Variants in UBASH3B observed in about 807,000 individuals in gnomAD.
UBASH3B encodes ubiquitin-associated and SH3 domain-containing protein B.
UBASH3B carries 37 observed loss-of-function variants against 83.4 expected under a neutral mutation model. The observed-to-expected ratio is 0.44, with a 90% CI of 0.34 to 0.58. UBASH3B has a LOEUF of 0.58. Ranked by LOEUF, UBASH3B falls within the 20% of genes least tolerant of loss-of-function variation. The pLI, the probability that UBASH3B is intolerant of heterozygous loss-of-function variation, is 0.01. For missense variants in UBASH3B, 657 were observed against 827.2 expected (o/e 0.79, Z 2.52); for synonymous variants, 304 against 318.3 (o/e 0.96, Z 0.48).
chr11:122,737,972 A>G (rs188153055), intron 1 of UBASH3B, among the ~76,000 whole-genome samples: 1 of 152,328 alleles, frequency 6.6e-6, no homozygotes, highest in East Asian at 1.9e-4. Context: ...GTGCCTGTAG[A>G]GAAGTCAGAG....
intron 1 of UBASH3B, among the ~76,000 whole-genome samples, chr11:122,765,775 G>A (rs943176936): frequency 3.9e-5 from 6 of 152,180 alleles, no homozygotes; most frequent in African/African-American, 4.8e-5. Flanking sequence ...GGGAGCTCAC[G>A]TATGTTTTAA....
At chr11:122,685,448 T>C (rs1455722718) in intron 1 of UBASH3B, among the ~76,000 whole-genome samples, 1 of 152,222 alleles carries the variant, frequency 6.6e-6, no homozygotes, top group African/African-American at 2.4e-5. Flanking sequence ...CTCCAATTTA[T>C]AGGCAGAGAT....
intron 1 of UBASH3B, among the ~76,000 whole-genome samples, chr11:122,676,384 C>T (rs945623601): frequency 6.6e-6 from 1 of 152,012 alleles, no homozygotes; most frequent in Non-Finnish European, 1.5e-5. Flanking sequence ...ACTAAAAATA[C>T]AAAAATTAGC....
chr11:122,748,490 G>A (rs1861154212), intron 1 of UBASH3B, among the ~76,000 whole-genome samples: 1 of 152,102 alleles, frequency 6.6e-6, no homozygotes, highest in South Asian at 2.1e-4. Context: ...TTCCCTCAGT[G>A]GAAATGGAAA....
At chr11:122,742,214 C>A (rs4144905) in intron 1 of UBASH3B, among the ~76,000 whole-genome samples, 2 of 151,950 alleles carry the variant, frequency 1.3e-5, no homozygotes, top group Non-Finnish European at 2.9e-5. Flanking sequence ...GTCGGGAGAA[C>A]CTTTTTAGAA....
At chr11:122,697,034 A>T (rs1278935222) in intron 1 of UBASH3B, among the ~76,000 whole-genome samples, 2 of 152,206 alleles carry the variant, frequency 1.3e-5, no homozygotes, top group Non-Finnish European at 2.9e-5. Flanking sequence ...AGCAAAGAAA[A>T]GTCAGCCCAG....
intron 6 of UBASH3B, among the ~76,000 whole-genome samples, chr11:122,792,319 T>C (rs1479098057): frequency 6.6e-6 from 1 of 150,584 alleles, no homozygotes; most frequent in African/African-American, 2.4e-5. Context: ...TTTCTTTTTT[T>C]TTTTTTTAAT....
At chr11:122,738,651 G>T (rs921845222) in intron 1 of UBASH3B, among the ~76,000 whole-genome samples, 4 of 152,184 alleles carry the variant, frequency 2.6e-5, no homozygotes, top group Non-Finnish European at 5.9e-5. Flanking sequence ...CACTTTGTGA[G>T]GCTGAGGTGG....
chr11:122,798,441 G>T (rs112707372), intron 9 of UBASH3B, among the ~76,000 whole-genome samples: 3,526 of 152,152 alleles, frequency 0.023, 151 homozygotes, highest in East Asian at 0.16. Context: ...GGCCAGGTGT[G>T]GTGGCTCACG....
chr11:122,735,578 C>T (rs1244486821), intron 1 of UBASH3B, among the ~76,000 whole-genome samples: 4 of 152,152 alleles, frequency 2.6e-5, no homozygotes, highest in East Asian at 1.9e-4. Flanking sequence ...TCTTTGGGTT[C>T]GGTAAAGGAA....
rs2135201974 is a variant in UBASH3B at position 122,812,766 on chromosome 11, T to G, written c.*2880T>G. ...AACTTTGTTTCCTGTGATTTTAAAA[T>G]ACCGCGTCTGTTCCTCCATGGACCA... is the stretch of plus-strand genomic sequence containing the variant. On this transcript the variant is annotated 3_prime_UTR_variant, in exon 14 of 14. Coordinates refer to ENST00000284273, the MANE Select transcript of UBASH3B (RefSeq NM_032873.5). 1 of 152,346 alleles carries G rather than the reference T, an allele frequency of 6.6e-6. No individual in the cohort carries two copies. Among genetic ancestry groups the G allele is most frequent in the South Asian group, 2.1e-4 (1 of 4,830 alleles). 9.4% of individuals were successfully genotyped at this position (152,346 alleles called of 1,614,324 possible).
chr11:122,705,826 A>G (rs1864111437), intron 1 of UBASH3B, among the ~76,000 whole-genome samples: 1 of 152,130 alleles, frequency 6.6e-6, no homozygotes, highest in Non-Finnish European at 1.5e-5. Flanking sequence ...TCTTCGTTCA[A>G]CTTTATCACA....
intron 1 of UBASH3B, among the ~76,000 whole-genome samples, chr11:122,771,956 T>C (rs1860653013): frequency 6.6e-6 from 1 of 152,210 alleles, no homozygotes; most frequent in African/African-American, 2.4e-5. Context: ...TTGGTTTTTA[T>C]TACAACAGTT....
intron 1 of UBASH3B, among the ~76,000 whole-genome samples, chr11:122,729,365 C>A (rs1860799893): frequency 6.6e-6 from 1 of 152,142 alleles, no homozygotes; most frequent in South Asian, 2.1e-4. Context: ...GTGCCTGAGC[C>A]ACACACTGGG....
chr11:122,697,823 G>A (rs1863981767), intron 1 of UBASH3B, among the ~76,000 whole-genome samples: 1 of 152,156 alleles, frequency 6.6e-6, no homozygotes, highest in South Asian at 2.1e-4. Context: ...AAGAAAAGAG[G>A]AAGCAGCTGC....
chr11:122,714,865 T>G (rs4016788), intron 1 of UBASH3B, among the ~76,000 whole-genome samples: 126,396 of 152,174 alleles, frequency 0.83, 52,692 homozygotes, highest in East Asian at 0.95. Flanking sequence ...CTTCTCCTTC[T>G]CTCATCTGTA....
chr11:122,718,007 C>T (rs1340466247), intron 1 of UBASH3B, among the ~76,000 whole-genome samples: 5 of 151,870 alleles, frequency 3.3e-5, no homozygotes, highest in Admixed American at 1.3e-4. Flanking sequence ...CCGTAACCTT[C>T]GCCTCCTGGG....
chr11:122,811,694 A>G lies in UBASH3B; in HGVS notation c.*1808A>G, dbSNP rs767402962. The G allele has an allele frequency of 2.6e-5, 4 of 152,154 alleles. No individual in the cohort carries two copies. The highest frequency in any genetic ancestry group is 5.9e-5 in the Non-Finnish European group (4 of 68,032). The allele number at this position is 152,154 out of a possible 1,614,324, so 9.4% of individuals were successfully genotyped here. A position where few individuals can be genotyped will look rare whatever the true frequency, so the allele number is the denominator to read the frequency against. ...ATTTTACATTTTGAGAAACAAATCA[A>G]TCATGGTTTCTTCTAGCGTTGCGCA... On this transcript the variant is annotated 3_prime_UTR_variant, in exon 14 of 14. Transcript: ENST00000284273.
chr11:122,704,813 A>AT (rs542892656), intron 1 of UBASH3B, among the ~76,000 whole-genome samples: 36 of 149,792 alleles, frequency 2.4e-4, no homozygotes, highest in African/African-American at 6.1e-4. Flanking sequence ...CCCGTCAACA[A>AT]TTTTTTTTTT....
Sources: gnomAD v4.1 joint callset for allele counts (sites outside exome capture counted in the v4.1 genomes callset) on GRCh38, gnomAD v4.1.1 for gene constraint, MANE v1.5 for transcripts, NCBI Gene and HGNC (gene_info 2026-07-23, HGNC 2026-07-21) for gene names.